The following NUDT16L1 variants were observed in gnomAD, a reference collection of about 807,000 sequenced individuals.
NUDT16L1 encodes the protein tudor-interacting repair regulator protein.
In NUDT16L1, 19 loss-of-function variants were observed where a neutral mutation model predicts 17.3. The ratio of observed to expected loss-of-function variants is 1.10; its 90% confidence interval spans 0.77 to 1.61. The LOEUF (loss-of-function observed/expected upper bound fraction) is 1.61, where lower values mean the gene tolerates loss of function less well. Among genes scored for constraint, NUDT16L1 ranks in the 40% most tolerant of loss-of-function variants. The pLI is 0.00. For synonymous variants in NUDT16L1, 255 were observed against 138.6 expected (o/e 1.84, Z -5.90); for missense variants, 341 against 292.0 (o/e 1.17, Z -1.22).
Position 4,693,719 on chromosome 16 carries a change from G to A in NUDT16L1, c.-8G>A, listed in dbSNP as rs371342385. 8.3e-5 allele frequency: 126 copies of A among 1,517,400 alleles called. No individual in the cohort carries two copies. Among genetic ancestry groups the A allele is most frequent in the Non-Finnish European group, 1.1e-4 (122 of 1,134,784 alleles). The allele number at this position is 1,517,400 out of a possible 1,614,324, so 94.0% of individuals were successfully genotyped here. ...AGTGGCAGCGGCGGGGACGGGGTCAGTGCCAAGATGTCGACGGCGGCGGTT... is the reference window on the plus strand; with the variant it reads ...AGTGGCAGCGGCGGGGACGGGGTCAATGCCAAGATGTCGACGGCGGCGGTT... On this transcript the variant is annotated 5_prime_UTR_variant, in exon 1 of 3. In the 5' UTR this introduces an upstream ATG that the reference lacks. Coordinates refer to ENST00000304301, the Ensembl canonical transcript of NUDT16L1.
chr16:4,693,718 A>C (rs1204880312), exon 1 of NUDT16L1: 1 of 1,502,012 alleles, frequency 6.7e-7, no homozygotes, highest in Admixed American at 2.2e-5. Flanking sequence ...GGACGGGGTC[A>C]GTGCCAAGAT....
At chr16:4,694,369 T>TG in intron 2 of NUDT16L1, 131 bp downstream of exon 2, 1 of 980,216 alleles carries the variant, frequency 1.0e-6, no homozygotes. Context: ...TCTCCAGCAA[T>TG]GGGGTGGGGA....
chr16:4,695,610 C>G (rs901475132), exon 3 of NUDT16L1: 1 of 427,542 alleles, frequency 2.3e-6, no homozygotes, highest in African/African-American at 2.0e-5. Flanking sequence ...TGAGCCAGTT[C>G]AGGGCCTGGG....
At chr16:4,694,575 C>A (rs1447589144) in intron 2 of NUDT16L1, 7 of 1,440,882 alleles carry the variant, frequency 4.9e-6, no homozygotes, top group Non-Finnish European at 6.4e-6. Flanking sequence ...TTGAGCACAG[C>A]GGGGGTTGTA....
intron 2 of NUDT16L1, 164 bp from the exon 3 acceptor site, chr16:4,694,794 C>A: frequency 1.4e-6 from 2 of 1,443,670 alleles, no homozygotes; most frequent in South Asian, 1.5e-5. Flanking sequence ...CTGCACTGCT[C>A]CGAGGGAGCT....
intron 2 of NUDT16L1, 196 bp from the exon 3 acceptor site, chr16:4,694,762 C>T (rs1482549257): frequency 3.5e-6 from 5 of 1,430,326 alleles, no homozygotes; most frequent in East Asian, 2.5e-5. Flanking sequence ...TCAGCCTCCA[C>T]ACTTGCTTGG....
chr16:4,693,570 AC>A (rs923178631), upstream of NUDT16L1: 6 of 812,564 alleles, frequency 7.4e-6, no homozygotes, highest in African/African-American at 1.8e-5. Context: ...TCGACGACGC[AC>A]CGCGGCGCTG....
chr16:4,695,275 G>C (rs1484357835), exon 3 of NUDT16L1: 38 of 1,275,392 alleles, frequency 3.0e-5, no homozygotes, highest in Non-Finnish European at 3.7e-5. Flanking sequence ...CCCCGCTTCT[G>C]ACTGCCTAGG....
chr16:4,693,816 C>T (rs779826886), exon 1 of NUDT16L1: 10 of 1,572,432 alleles, frequency 6.4e-6, no homozygotes, highest in African/African-American at 1.4e-5. Context: ...CGTGCCACGC[C>T]ATGCTGTACG....
At position 4,695,836 on chromosome 16, in the gene NUDT16L1, C is replaced by T. The variant is rs548594726; in HGVS notation, c.*657C>T. 18 of 351,546 alleles carry T rather than the reference C, an allele frequency of 5.1e-5. No homozygotes were observed. The South Asian group carries it at 9.0e-4, about 18-fold the overall frequency. 21.8% of individuals were successfully genotyped at this position (351,546 alleles called of 1,614,324 possible). ...GAAGGAGAAGACAATAAAGTCGCTC[C>T]GCAGCTGCTCTGTGTGTTTCTCAGC... On this transcript the variant is annotated 3_prime_UTR_variant, in exon 3 of 3. Coordinates refer to ENST00000304301, the Ensembl canonical transcript of NUDT16L1.
exon 3 of NUDT16L1, chr16:4,695,152 G>T (rs777179575): frequency 6.2e-7 from 1 of 1,613,150 alleles, no homozygotes; most frequent in Non-Finnish European, 8.5e-7. Flanking sequence ...AGAAGGCCCT[G>T]GAGAAGTTGC....
At chr16:4,695,448 A>C in exon 3 of NUDT16L1, 1 of 587,124 alleles carries the variant, frequency 1.7e-6, no homozygotes, top group Non-Finnish European at 3.0e-6. Context: ...CTGGGCTCAG[A>C]CCCTCCTCTT....
At chr16:4,695,568 T>C in exon 3 of NUDT16L1, 1 of 450,742 alleles carries the variant, frequency 2.2e-6, no homozygotes, top group South Asian at 5.8e-5. Flanking sequence ...GGAGGATGCC[T>C]TGTCTCGGTC....
chr16:4,695,547 G>T, exon 3 of NUDT16L1: 1 of 457,720 alleles, frequency 2.2e-6, no homozygotes, highest in East Asian at 3.3e-5. Context: ...CAGAAGATGG[G>T]ATGTGTGGGT....
chr16:4,693,746 C>G, exon 1 of NUDT16L1: 4 of 1,546,532 alleles, frequency 2.6e-6, no homozygotes, highest in African/African-American at 1.4e-5. Context: ...GCGGCGGTTC[C>G]GGAGCTGAAG....
At chr16:4,694,181 G>T in exon 2 of NUDT16L1, 1 of 1,576,954 alleles carries the variant, frequency 6.3e-7, no homozygotes, top group Non-Finnish European at 8.5e-7. Context: ...AGCTGACGCT[G>T]GAGCAGCTGC....
exon 1 of NUDT16L1, chr16:4,693,711 C>A: frequency 1.3e-6 from 2 of 1,485,738 alleles, no homozygotes. Context: ...GCGGCGGGGA[C>A]GGGGTCAGTG....
chr16:4,695,790 G>T (rs530860660), exon 3 of NUDT16L1: 6 of 394,520 alleles, frequency 1.5e-5, no homozygotes, highest in Non-Finnish European at 2.7e-5. Context: ...CGGGGGCCCA[G>T]CTATGTACAA....
chr16:4,694,247 G>A lies in NUDT16L1; in HGVS notation c.414+9G>A. The A allele has an allele frequency of 1.4e-6, 2 of 1,463,548 alleles. No individual in the cohort carries two copies. The highest frequency in any genetic ancestry group is 1.8e-6 in the Non-Finnish European group (2 of 1,114,466). The allele number at this position is 1,463,548 out of a possible 1,614,324, so 90.7% of individuals were successfully genotyped here. A position where few individuals can be genotyped will look rare whatever the true frequency, so the allele number is the denominator to read the frequency against. ...GCGACCACGGCCTGGAGGTGGGGCC[G>A]CCGCCCGGGCCCCGCCCCCCGCCCC... On this transcript the variant is annotated intron_variant, in intron 2 of 2. Coordinates refer to ENST00000304301, the Ensembl canonical transcript of NUDT16L1.
Sources: gnomAD v4.1 joint callset for allele counts on GRCh38, gnomAD v4.1.1 for gene constraint, MANE v1.5 for transcripts, NCBI Gene and HGNC (gene_info 2026-07-23, HGNC 2026-07-21) for gene names.